Variants in TCP11L1 observed in about 807,000 individuals in gnomAD.
TCP11L1 encodes the protein T-complex protein 11-like protein 1.
A neutral mutation model predicts 48.9 loss-of-function variants in TCP11L1; 28 were observed. That is an observed-to-expected ratio of 0.57 (90% CI 0.42 to 0.78). TCP11L1 has a LOEUF of 0.78. TCP11L1 is among the 30% of genes least tolerant of loss of function. The probability of loss-of-function intolerance (pLI) is 0.00; values close to 1 mark genes in which losing one functional copy is unlikely to be tolerated. For synonymous variants in TCP11L1, 204 were observed against 231.9 expected, an observed-to-expected ratio of 0.88 and a Z score of 1.09; for missense variants, 505 against 613.4, an observed-to-expected ratio of 0.82 and a Z score of 1.87.
rs539963835 is a variant in TCP11L1, at chr11:33,062,541, A to G, written c.972+815A>G. Among the ~76,000 whole-genome samples, 8 of 152,300 alleles carry G rather than the reference A, an allele frequency of 5.3e-5. No individual in the cohort carries two copies. In the South Asian group the frequency reaches 1.2e-3, roughly 24 times the overall value. On this transcript the variant is annotated intron_variant, in intron 7 of 9. Coordinates refer to ENST00000334274, the MANE Select transcript of TCP11L1 (RefSeq NM_018393.4). ...AAAATTTACCATTTTAACCATTTCT[A>G]GTTGTCCAGTTCAGTGGCATTAAGT...
chr11:33,047,858 AT>A (rs1296858670), intron 2 of TCP11L1, among the ~76,000 whole-genome samples: 2 of 152,202 alleles, frequency 1.3e-5, no homozygotes, highest in African/African-American at 2.4e-5. Flanking sequence ...TGCTCATTCT[AT>A]AGTAGCTGTT....
At position 33,061,743 on chromosome 11, in the gene TCP11L1, A is replaced by T; in HGVS notation, c.972+17A>T. The T allele has an allele frequency of 6.4e-7, 1 of 1,571,140 alleles. No individual in the cohort carries two copies. The highest frequency in any genetic ancestry group is 8.7e-7 in the Non-Finnish European group (1 of 1,155,640). ...TTCCCCGAAGTAGGTCTCCTGAGCC[A>T]TCTCACTACTCATATTTGTTTTTGT... On this transcript the variant is annotated intron_variant, in intron 7 of 9. Coordinates refer to ENST00000334274, the MANE Select transcript of TCP11L1 (RefSeq NM_018393.4).
At chr11:33,055,251 G>A (rs1854277783) in intron 3 of TCP11L1, among the ~76,000 whole-genome samples, 1 of 152,204 alleles carries the variant, frequency 6.6e-6, no homozygotes, top group South Asian at 2.1e-4. Context: ...TTAGAATCAA[G>A]GAAATATGCG....
intron 2 of TCP11L1, chr11:33,044,220 G>A: frequency 3.8e-6 from 1 of 260,134 alleles, no homozygotes; most frequent in South Asian, 1.2e-4. Context: ...ATAGGAGGGT[G>A]GAGTATAAAT....
chr11:33,045,898 A>G (rs1479046227), intron 2 of TCP11L1, among the ~76,000 whole-genome samples: 1 of 152,250 alleles, frequency 6.6e-6, no homozygotes, highest in Middle Eastern at 3.2e-3. Context: ...CACATGATCT[A>G]CAGCTGTGAC....
chr11:33,043,888 G>A lies in TCP11L1; in HGVS notation c.115G>A (p.Ala39Thr). Residue 39 changes from alanine to threonine, a missense_variant, in exon 2 of 10, where the codon GCA (alanine) becomes ACA (threonine). Transcript: ENST00000334274. ...AGGTGCTGATGAAGCCTTACAAAAA[G>A]CAATAAAGTCAGACTCCTCCAGCCC... is the stretch of plus-strand genomic sequence containing the variant. ...VEGADEALQK[A>T]IKSDSSSPQR... 1 of 1,613,652 alleles carries A rather than the reference G, an allele frequency of 6.2e-7. No homozygotes were observed. Among genetic ancestry groups the A allele is most frequent in the East Asian group, 2.2e-5 (1 of 44,862 alleles).
chr11:33,061,251 T>C (rs1307436472), intron 6 of TCP11L1, among the ~76,000 whole-genome samples: 2 of 152,220 alleles, frequency 1.3e-5, no homozygotes, highest in Non-Finnish European at 2.9e-5. Flanking sequence ...CCACCATGCC[T>C]GGCTTATTCA....
At chr11:33,053,778 C>T (rs1363808094) in intron 2 of TCP11L1, among the ~76,000 whole-genome samples, 2 of 152,188 alleles carry the variant, frequency 1.3e-5, no homozygotes, top group Non-Finnish European at 2.9e-5. Context: ...ATTGTTTAAA[C>T]AGCACCATCG....
At position 33,057,213 on chromosome 11, in the gene TCP11L1, A is replaced by C; in HGVS notation, c.395A>C (p.Lys132Thr). Residue 132 changes from lysine (K) to threonine (T), a missense_variant, in exon 4 of 10, where the codon AAA becomes ACA. Coordinates refer to ENST00000334274, the MANE Select transcript of TCP11L1 (RefSeq NM_018393.4). ...EDPPAYDHAI[K>T]LVGEIKETLL... is the part of the protein sequence containing the mutation. ...CCCCCAGCATATGACCATGCTATCA[A>C]ACTTGTAGGAGAAATCAAAGAGGTG... 1 of 1,614,128 alleles carries C rather than the reference A, an allele frequency of 6.2e-7. No individual in the cohort carries two copies. The highest frequency in any genetic ancestry group is 8.5e-7 in the Non-Finnish European group (1 of 1,180,020).
intron 2 of TCP11L1, among the ~76,000 whole-genome samples, chr11:33,052,449 C>T (rs956931899): frequency 1.3e-5 from 2 of 150,940 alleles, no homozygotes; most frequent in African/African-American, 2.4e-5. Context: ...CAGGATATGA[C>T]CAGCTCTTCG....
rs76529612 is a variant in TCP11L1, at chr11:33,058,547, T to TAAA, written c.639-398_639-396dup. On this transcript the variant is annotated intron_variant, in intron 5 of 9. Coordinates refer to ENST00000334274, the MANE Select transcript of TCP11L1 (RefSeq NM_018393.4). ...CCTGAAGTCTTGGTACTCATGGATT[T>TAAA]AAAAAAAAAAAAAAAATTTGTAAAA... Among the ~76,000 whole-genome samples, 172 of 143,672 alleles carry TAAA rather than the reference T, an allele frequency of 1.2e-3. 3 individuals carry two copies. In the East Asian group the frequency reaches 0.026, roughly 21 times the overall value. The allele number at this position is 143,672 out of a possible 152,430, so 94.3% of individuals were successfully genotyped here.
At chr11:33,060,773 G>A (rs1362772062) in intron 6 of TCP11L1, among the ~76,000 whole-genome samples, 2 of 152,190 alleles carry the variant, frequency 1.3e-5, no homozygotes, top group Non-Finnish European at 2.9e-5. Flanking sequence ...CTCATCATCA[G>A]TGTAGAGGAT....
chr11:33,054,997 A>C (rs888531836), intron 3 of TCP11L1, among the ~76,000 whole-genome samples: 1 of 152,206 alleles, frequency 6.6e-6, no homozygotes, highest in Non-Finnish European at 1.5e-5. Flanking sequence ...ATCACACTGC[A>C]CTATAGTTGT....
At position 33,043,860 on chromosome 11, in the gene TCP11L1, G is replaced by A; in HGVS notation, c.87G>A (p.Val29=). The A allele has an allele frequency of 6.2e-7, 1 of 1,613,904 alleles. No individual in the cohort carries two copies. Among genetic ancestry groups the A allele is most frequent in the Non-Finnish European group, 8.5e-7 (1 of 1,179,926 alleles). Residue 29 remains valine, a synonymous_variant, in exon 2 of 10, where the codon GTG becomes GTA. Coordinates refer to ENST00000334274, the MANE Select transcript of TCP11L1 (RefSeq NM_018393.4). The stretch of plus-strand genomic sequence containing the variant: ...CTGAGGAAGGCCTCGAAGATGCTGT[G>A]GAAGGTGCTGATGAAGCCTTACAAA... ...NDSEEGLEDA[V]EGADEALQKA...
intron 9 of TCP11L1, among the ~76,000 whole-genome samples, chr11:33,070,207 G>C (rs1249047875): frequency 6.6e-6 from 1 of 151,256 alleles, no homozygotes; most frequent in Non-Finnish European, 1.5e-5. Flanking sequence ...CTTGAGCCCA[G>C]GAGTTTGAGG....
intron 5 of TCP11L1, among the ~76,000 whole-genome samples, chr11:33,058,405 G>C (rs12366195): frequency 0.13 from 20,209 of 151,858 alleles, 1,554 homozygotes; most frequent in Middle Eastern, 0.22. Context: ...CACTACGTTG[G>C]CCAGGCTGGT....
chr11:33,059,793 T>C (rs892572043), intron 6 of TCP11L1, among the ~76,000 whole-genome samples: 1 of 152,142 alleles, frequency 6.6e-6, no homozygotes, highest in Non-Finnish European at 1.5e-5. Flanking sequence ...CCCCATGCAG[T>C]TGATTCATCC....
chr11:33,044,022 T>A lies in TCP11L1; in HGVS notation c.163+86T>A, dbSNP rs890085508. 1.3e-5 allele frequency: 17 copies of A among 1,346,714 alleles called. No homozygotes were observed. In the East Asian group the frequency reaches 2.2e-4, roughly 17 times the overall value. The allele number at this position is 1,346,714 out of a possible 1,614,324, so 83.4% of individuals were successfully genotyped here. ...TGAGGCCTCCTTGTGCATGTGGCCG[T>A]GAGCTAGGTTCTAATAATATAACAT... On this transcript the variant is annotated intron_variant, in intron 2 of 9. Transcript: ENST00000334274.
chr11:33,060,649 G>A (rs2133728753), intron 6 of TCP11L1, among the ~76,000 whole-genome samples: 1 of 152,264 alleles, frequency 6.6e-6, no homozygotes, highest in East Asian at 1.9e-4. Flanking sequence ...TAGAAAAGCA[G>A]GGGTGCAGGA....
Sources: gnomAD v4.1 joint callset for allele counts (sites outside exome capture counted in the v4.1 genomes callset) on GRCh38, gnomAD v4.1.1 for gene constraint, MANE v1.5 for transcripts, NCBI Gene and HGNC (gene_info 2026-07-23, HGNC 2026-07-21) for gene names.